ELAVL1: variants seen among roughly 807,000 people sequenced by gnomAD.
ELAVL1 encodes the protein ELAV-like protein 1.
In ELAVL1, 1 loss-of-function variant was observed where a neutral mutation model predicts 28.4. That is an observed-to-expected ratio of 0.04 (90% CI 0.01 to 0.17). The LOEUF is 0.17. Among genes scored for constraint, ELAVL1 ranks in the 10% least tolerant of loss-of-function variants. The probability of loss-of-function intolerance (pLI) is 1.00; values close to 1 mark genes in which losing one functional copy is unlikely to be tolerated. For synonymous variants in ELAVL1, 174 were observed against 183.5 expected, an observed-to-expected ratio of 0.95 and a Z score of 0.42; for missense variants, 157 against 447.2, an observed-to-expected ratio of 0.35 and a Z score of 5.85.
chr19:7,965,549 C>T (rs1422734512), intron 5 of ELAVL1, among the ~76,000 whole-genome samples: 5 of 152,174 alleles, frequency 3.3e-5, no homozygotes, highest in African/African-American at 1.2e-4. Flanking sequence ...GGTCTTTCTT[C>T]CTCCTCTTCT....
chr19:7,990,811 A>G (rs1459809239), intron 2 of ELAVL1, among the ~76,000 whole-genome samples: 1 of 152,110 alleles, frequency 6.6e-6, no homozygotes, highest in Admixed American at 6.5e-5. Flanking sequence ...TAGAGGGAAG[A>G]GGAGGAAGAG....
intron 2 of ELAVL1, among the ~76,000 whole-genome samples, chr19:7,985,990 C>T (rs1303455661): frequency 6.6e-6 from 1 of 152,232 alleles, no homozygotes; most frequent in Non-Finnish European, 1.5e-5. Context: ...ACCATGGTTG[C>T]CTTACTGGGC....
intron 2 of ELAVL1, among the ~76,000 whole-genome samples, chr19:7,983,480 G>C (rs1185380008): frequency 2.0e-5 from 3 of 152,214 alleles, no homozygotes; most frequent in African/African-American, 4.8e-5. Flanking sequence ...GGCAAGGGCA[G>C]GACCAGAGGG....
Position 7,981,761 on chromosome 19 carries a change from C to T in ELAVL1, c.173-575G>A, listed in dbSNP as rs1985470691. ...ATACTGTGCTACGGACAGCATCTTTCTGAAAGACCAGTCCCGTGGGTGCCG... is the reference window on the plus strand; with the variant it reads ...ATACTGTGCTACGGACAGCATCTTTTTGAAAGACCAGTCCCGTGGGTGCCG... On this transcript the variant is annotated intron_variant, in intron 2 of 5. Transcript: ENST00000407627. This position sits in a 1 kb window ranked among gnomAD's most constrained non-coding sequence, Gnocchi z 4.2. Among the ~76,000 whole-genome samples, 1 of 152,214 alleles carries T rather than the reference C, an allele frequency of 6.6e-6. No homozygotes were observed. The highest frequency in any genetic ancestry group is 2.4e-5 in the African/African-American group (1 of 41,446).
chr19:7,985,288 G>A (rs1383960467), intron 2 of ELAVL1, among the ~76,000 whole-genome samples: 1 of 152,212 alleles, frequency 6.6e-6, no homozygotes, highest in East Asian at 1.9e-4. Flanking sequence ...CCATGGTTAT[G>A]CAGAGGAGAG....
At chr19:7,989,008 C>T (rs531092086) in intron 2 of ELAVL1, among the ~76,000 whole-genome samples, 61 of 152,162 alleles carry the variant, frequency 4.0e-4, no homozygotes, top group Middle Eastern at 3.4e-3. Flanking sequence ...GTCAGAGGAC[C>T]GAGGAGGGTA....
In ELAVL1 at chr19:7,982,258, G is replaced by A. The variant is rs1416346869; in HGVS notation, c.173-1072C>T. 7.2e-5 allele frequency among the ~76,000 whole-genome samples: 11 copies of A among 152,180 alleles called. No individual in the cohort carries two copies. Among genetic ancestry groups the A allele is most frequent in the South Asian group, 2.1e-4 (1 of 4,836 alleles). On this transcript the variant is annotated intron_variant, in intron 2 of 5. Transcript: ENST00000407627. The surrounding 1 kb of genome is among the most constrained non-coding windows in gnomAD (Gnocchi z 4.3). ...GAAGTGAGGAGGCACAGGGAAGAGC[G>A]CAATCCCCGTCTCCCGCAGCTTATC... is the stretch of plus-strand genomic sequence containing the variant.
intron 2 of ELAVL1, among the ~76,000 whole-genome samples, chr19:7,990,070 T>C (rs1599676752): frequency 6.6e-6 from 1 of 152,358 alleles, no homozygotes; most frequent in South Asian, 2.1e-4. Flanking sequence ...TTGCCCACAC[T>C]GGAGTGCAGT....
chr19:8,004,230 A>G (rs1450822921), intron 1 of ELAVL1, among the ~76,000 whole-genome samples: 1 of 152,218 alleles, frequency 6.6e-6, no homozygotes, highest in African/African-American at 2.4e-5. Flanking sequence ...ACCACGCACA[A>G]CGCAACGGGA....
At chr19:7,996,426 C>T (rs962089401) in intron 1 of ELAVL1, among the ~76,000 whole-genome samples, 2 of 151,912 alleles carry the variant, frequency 1.3e-5, no homozygotes, top group Non-Finnish European at 2.9e-5. Flanking sequence ...CGTGATCTGC[C>T]CATCTGCCCA....
At chr19:7,986,570 G>C (rs58851560) in intron 2 of ELAVL1, among the ~76,000 whole-genome samples, 6,431 of 152,274 alleles carry the variant, frequency 0.042, 415 homozygotes, top group African/African-American at 0.14. Context: ...GTCCCCTAGA[G>C]AGCGAGTTAG....
At chr19:7,987,243 G>A (rs943623074) in intron 2 of ELAVL1, among the ~76,000 whole-genome samples, 22 of 152,052 alleles carry the variant, frequency 1.4e-4, no homozygotes, top group Admixed American at 1.3e-3. Flanking sequence ...GCTTTAACCC[G>A]ACCAGAGATA....
chr19:7,981,065 G>A lies in ELAVL1; in HGVS notation c.276+18C>T, dbSNP rs779735373. ...GCCCAGGGCAGGAATGGATGCGGTG[G>A]TGATCAGATCCCTTTACCTTAATGG... On this transcript the variant is annotated intron_variant, in intron 3 of 5. Transcript: ENST00000407627. The surrounding 1 kb of genome is among the most constrained non-coding windows in gnomAD (Gnocchi z 4.2). 4.3e-6 allele frequency: 7 copies of A among 1,612,068 alleles called. No individual in the cohort carries two copies. The highest frequency in any genetic ancestry group is 4.0e-5 in the African/African-American group (3 of 74,872).
At chr19:7,993,474 A>G (rs1322405281) in intron 1 of ELAVL1, among the ~76,000 whole-genome samples, 1 of 152,216 alleles carries the variant, frequency 6.6e-6, no homozygotes, top group East Asian at 1.9e-4. Context: ...TACCAGTCAG[A>G]GGAACTTGGT....
intron 2 of ELAVL1, among the ~76,000 whole-genome samples, chr19:7,988,219 C>T (rs1048049307): frequency 6.6e-6 from 1 of 152,084 alleles, no homozygotes; most frequent in Non-Finnish European, 1.5e-5. Flanking sequence ...CAACTGGAAA[C>T]GAGTGGCTGG....
intron 1 of ELAVL1, among the ~76,000 whole-genome samples, chr19:8,004,407 G>A (rs1199214616): frequency 6.6e-6 from 1 of 152,142 alleles, no homozygotes; most frequent in East Asian, 1.9e-4. Flanking sequence ...TCACCTGTGC[G>A]TGTGAGAGTG....
At chr19:7,980,797 G>A (rs1340375003) in intron 3 of ELAVL1, among the ~76,000 whole-genome samples, 2 of 152,198 alleles carry the variant, frequency 1.3e-5, no homozygotes, top group Non-Finnish European at 2.9e-5. Context: ...GCAGGCTGGG[G>A]GTGGATGGAG....
At chr19:7,975,697 G>C (rs993310857) in intron 3 of ELAVL1, among the ~76,000 whole-genome samples, 3 of 152,174 alleles carry the variant, frequency 2.0e-5, no homozygotes, top group Non-Finnish European at 4.4e-5. Context: ...CTAACCCCTT[G>C]GGACCTCAAA....
At chr19:7,996,560 C>T (rs2081049862) in intron 1 of ELAVL1, among the ~76,000 whole-genome samples, 2 of 150,482 alleles carry the variant, frequency 1.3e-5, no homozygotes, top group African/African-American at 4.9e-5. Context: ...AATTCCAGCA[C>T]TTTGGGAGGC....
Sources: allele counts gnomAD v4.1 joint callset (sites outside exome capture counted in the v4.1 genomes callset), GRCh38; gene constraint gnomAD v4.1.1; non-coding constraint Gnocchi (gnomAD v3.1); transcripts MANE v1.5; gene names NCBI Gene and HGNC (gene_info 2026-07-23, HGNC 2026-07-21).